Variants in ITPRID2 observed in about 807,000 individuals in gnomAD.
ITPRID2 encodes ITPR interacting domain containing 2, also known as protein ITPRID2.
ITPRID2 carries 60 observed loss-of-function variants against 124.3 expected under a neutral mutation model. The ratio of observed to expected loss-of-function variants is 0.48; its 90% confidence interval spans 0.39 to 0.60. The LOEUF is 0.60. Among genes scored for constraint, ITPRID2 ranks in the 20% least tolerant of loss-of-function variants. The pLI is 0.00. For missense variants in ITPRID2, 1,553 were observed against 1,512.2 expected (o/e 1.03, Z -0.45); for synonymous variants, 521 against 542.9 (o/e 0.96, Z 0.56).
intron 7 of ITPRID2, among the ~76,000 whole-genome samples, chr2:181,901,276 A>G (rs1241322893): frequency 1.3e-5 from 2 of 152,170 alleles, no homozygotes; most frequent in African/African-American, 4.8e-5. Flanking sequence ...TTTCACTCAT[A>G]TCTTTGCTTG....
At chr2:181,921,016 T>G (rs1430026844) in intron 15 of ITPRID2, among the ~76,000 whole-genome samples, 1 of 152,056 alleles carries the variant, frequency 6.6e-6, no homozygotes, top group East Asian at 1.9e-4. Flanking sequence ...AGACCCTTTC[T>G]CTACAGAAAA....
rs1215105651 is a variant in ITPRID2 at position 181,930,216 on chromosome 2, A to C, written c.*669A>C. The C allele has an allele frequency of 5.2e-5, 8 of 152,740 alleles. No homozygotes were observed. In the South Asian group the frequency reaches 1.7e-3, roughly 32 times the overall value. 9.5% of individuals were successfully genotyped at this position (152,740 alleles called of 1,614,324 possible). On this transcript the variant is annotated 3_prime_UTR_variant, in exon 18 of 18. Coordinates refer to ENST00000431877, the MANE Select transcript of ITPRID2 (RefSeq NM_001130445.3). ...TATTTTTCTTTTGGAAATGTGCCTT[A>C]TGTTAAACACTATGTACTTTTACTT...
rs1692419776 is a variant in ITPRID2 at position 181,898,774 on chromosome 2, G to A, written c.365-106G>A. The A allele has an allele frequency of 4.3e-5, 35 of 819,686 alleles. 1 individual carries two copies. In the South Asian group the frequency reaches 5.3e-4, roughly 12 times the overall value. The allele number at this position is 819,686 out of a possible 1,614,324, so 50.8% of individuals were successfully genotyped here. On this transcript the variant is annotated intron_variant, in intron 4 of 17. Transcript: ENST00000431877. ...CCAAGATAAGTGTTTAATATATTTG[G>A]CATTTAATTCTAATATTGTAGGTAA... is the stretch of plus-strand genomic sequence containing the variant.
intron 4 of ITPRID2, among the ~76,000 whole-genome samples, chr2:181,897,252 T>C (rs1692276433): frequency 6.6e-6 from 1 of 151,940 alleles, no homozygotes; most frequent in African/African-American, 2.4e-5. Context: ...GAGGGAAGAA[T>C]TGTCCTGAAA....
At position 181,928,080 on chromosome 2, in the gene ITPRID2, A is replaced by G. The variant is rs990804470; in HGVS notation, c.3676-81A>G. The stretch of plus-strand genomic sequence containing the variant: ...AGGTGAAATTAAGAAATTGAATGCT[A>G]TTTGTATTTTTTCCAAAAACAGGAA... On this transcript the variant is annotated intron_variant, in intron 16 of 17. Coordinates refer to ENST00000431877, the MANE Select transcript of ITPRID2 (RefSeq NM_001130445.3). 4.5e-6 allele frequency: 4 copies of G among 887,722 alleles called. No individual in the cohort carries two copies. In the African/African-American group the frequency reaches 5.1e-5, roughly 11 times the overall value. The allele number at this position is 887,722 out of a possible 1,614,324, so 55.0% of individuals were successfully genotyped here. A position where few individuals can be genotyped will look rare whatever the true frequency, so the allele number is the denominator to read the frequency against.
chr2:181,925,975 T>C (rs1384905245), intron 16 of ITPRID2, among the ~76,000 whole-genome samples: 1 of 152,220 alleles, frequency 6.6e-6, no homozygotes, highest in Non-Finnish European at 1.5e-5. Context: ...ATTTTTCCTT[T>C]AGTATTTTAT....
intron 8 of ITPRID2, among the ~76,000 whole-genome samples, chr2:181,906,506 T>A (rs1693135687): frequency 6.6e-6 from 1 of 152,132 alleles, no homozygotes; most frequent in South Asian, 2.1e-4. Flanking sequence ...GTGTGGAGGC[T>A]GAGGCAGGAG....
chr2:181,896,519 A>G lies in ITPRID2; in HGVS notation c.308-389A>G, dbSNP rs1385752449. ...AAGCATGTGCAGGCAGTGGCAAGGC[A>G]TATAAAAAAACATTTACAGTGTCAG... On this transcript the variant is annotated intron_variant, in intron 3 of 17. Transcript: ENST00000431877. The surrounding 1 kb of genome is among the most constrained non-coding windows in gnomAD (Gnocchi z 4.3). Among the ~76,000 whole-genome samples, 1 of 152,032 alleles carries G rather than the reference A, an allele frequency of 6.6e-6. No individual in the cohort carries two copies. The highest frequency in any genetic ancestry group is 1.9e-4 in the East Asian group (1 of 5,202).
At chr2:181,906,318 T>A (rs1243852914) in intron 8 of ITPRID2, among the ~76,000 whole-genome samples, 2 of 152,238 alleles carry the variant, frequency 1.3e-5, no homozygotes, top group Non-Finnish European at 2.9e-5. Context: ...CAGTGGAGGA[T>A]GGCAGAGGAG....
chr2:181,918,494 A>T, intron 11 of ITPRID2, 104 bp from the exon 12 acceptor site: 21 of 1,521,950 alleles, frequency 1.4e-5, no homozygotes, highest in Non-Finnish European at 1.8e-5. Flanking sequence ...TTTTGTCTTA[A>T]AGAGAAAAAT....
At position 181,896,978 on chromosome 2, in the gene ITPRID2, G is replaced by A. The variant is rs767763541; in HGVS notation, c.364+14G>A. ...TGGGAGCTGAAGGTATGTTTGTTTG[G>A]AAGAACTGTATTTTTGTGTAGTTTT... On this transcript the variant is annotated intron_variant, in intron 4 of 17. Coordinates refer to ENST00000431877, the MANE Select transcript of ITPRID2 (RefSeq NM_001130445.3). The surrounding 1 kb of genome is among the most constrained non-coding windows in gnomAD (Gnocchi z 4.3). 26 of 1,608,206 alleles carry A rather than the reference G, an allele frequency of 1.6e-5. No individual in the cohort carries two copies. In the East Asian group the frequency reaches 2.2e-4, roughly 14 times the overall value.
At chr2:181,921,488 AG>A (rs145435545) in intron 15 of ITPRID2, among the ~76,000 whole-genome samples, 3,897 of 152,054 alleles carry the variant, frequency 0.026, 81 homozygotes, top group South Asian at 0.098. Context: ...AAAAAAAAAA[AG>A]AAAATTGATT....
chr2:181,915,191 C>G (rs1294842977), intron 10 of ITPRID2, 25 bp from the exon 11 acceptor site: 14 of 1,597,918 alleles, frequency 8.8e-6, no homozygotes, highest in Non-Finnish European at 1.1e-5. Context: ...TATTCTTCAT[C>G]TTTCCACCTA....
rs775985798 is a variant in ITPRID2 at position 181,901,642 on chromosome 2, A to G, written c.713-124A>G. On this transcript the variant is annotated intron_variant, in intron 7 of 17. Coordinates refer to ENST00000431877, the MANE Select transcript of ITPRID2 (RefSeq NM_001130445.3). The stretch of plus-strand genomic sequence containing the variant: ...TTTAAGTGTTAGATGAGGAAAAAAT[A>G]GGGTTTTATAATCTTTGTGATCTAA... 3.6e-4 allele frequency: 249 copies of G among 700,976 alleles called. 1 individual carries two copies. Among genetic ancestry groups the G allele is most frequent in the Middle Eastern group, 1.4e-3 (3 of 2,206 alleles). The allele number at this position is 700,976 out of a possible 1,614,324, so 43.4% of individuals were successfully genotyped here.
In ITPRID2 at chr2:181,919,412, G is replaced by A. The variant is rs150716378; in HGVS notation, c.3110G>A (p.Arg1037His). 147 of 1,611,710 alleles carry A rather than the reference G, an allele frequency of 9.1e-5. No individual in the cohort carries two copies. Among genetic ancestry groups the A allele is most frequent in the African/African-American group, 1.3e-4 (10 of 74,972 alleles). ...CTGGAGGAGCAGCTTCGTGCTGTGC[G>A]CATGCCTTCACCCTTCCGCTCCTCC... is the stretch of plus-strand genomic sequence containing the variant. ...LGLEEQLRAV[R>H]MPSPFRSSAL... is the part of the protein sequence containing the mutation. Residue 1037 changes from arginine (R) to histidine (H), a missense_variant, in exon 14 of 18, where the codon CGC (arginine) becomes CAC (histidine). Physicochemically the swap from Arg to His is conservative, Grantham distance 29. Coordinates refer to ENST00000431877, the MANE Select transcript of ITPRID2 (RefSeq NM_001130445.3). This position sits in a 1 kb window ranked among gnomAD's most constrained non-coding sequence, Gnocchi z 4.2.
chr2:181,924,537 G>C (rs971580814), intron 16 of ITPRID2, among the ~76,000 whole-genome samples: 13 of 152,112 alleles, frequency 8.5e-5, no homozygotes, highest in African/African-American at 2.9e-4. Flanking sequence ...TTTAATCTTG[G>C]GTTGAACAGT....
In ITPRID2 at chr2:181,913,946, G is replaced by A. The variant is rs1693830170; in HGVS notation, c.1575+13G>A. ...TAATCATCTTCAGGTAAAATTTTCT[G>A]TTCTAATAGGCACTATGATTAACTT... On this transcript the variant is annotated intron_variant, in intron 10 of 17. Coordinates refer to ENST00000431877, the MANE Select transcript of ITPRID2 (RefSeq NM_001130445.3). The A allele has an allele frequency of 1.9e-6, 3 of 1,577,832 alleles. No homozygotes were observed. Among genetic ancestry groups the A allele is most frequent in the African/African-American group, 1.4e-5 (1 of 74,044 alleles).
intron 8 of ITPRID2, among the ~76,000 whole-genome samples, chr2:181,908,970 G>A (rs1408003822): frequency 3.9e-5 from 6 of 151,960 alleles, no homozygotes; most frequent in Admixed American, 6.6e-5. Context: ...AGAAATTACC[G>A]TGCATCTTGC....
chr2:181,899,100 G>C lies in ITPRID2; in HGVS notation c.491G>C (p.Gly164Ala). 3 of 1,605,836 alleles carry C rather than the reference G, an allele frequency of 1.9e-6. No homozygotes were observed. The highest frequency in any genetic ancestry group is 2.5e-6 in the Non-Finnish European group (3 of 1,176,638). The change falls in exon 6 of 18, where the codon GGG becomes GCG. Residue 164 changes from glycine to alanine, a missense_variant. Coordinates refer to ENST00000431877, the MANE Select transcript of ITPRID2 (RefSeq NM_001130445.3). ...TCCACTGGATCTGGGAAAAGTAGTG[G>C]GACAGTTTCAAGGTAACTTATTCTG... ...MNSTGSGKSS[G>A]TVSSVSELLE...
Sources: gnomAD v4.1 joint callset for allele counts (sites outside exome capture counted in the v4.1 genomes callset) on GRCh38, gnomAD v4.1.1 for gene constraint, Gnocchi (gnomAD v3.1) non-coding constraint, MANE v1.5 for transcripts, NCBI Gene and HGNC (gene_info 2026-07-23, HGNC 2026-07-21) for gene names.